The following DIAPH2 variants were observed in gnomAD, a reference collection of about 807,000 sequenced individuals.
DIAPH2 encodes the protein diaphanous related formin 2.
Under a neutral mutation model 92.7 loss-of-function variants are expected in DIAPH2, and 35 were observed. That is an observed-to-expected ratio of 0.38 (90% confidence interval 0.29 to 0.50). The LOEUF is 0.50. Ranked by LOEUF, DIAPH2 falls within the 20% of genes least tolerant of loss-of-function variation. The pLI is 0.94. For synonymous variants in DIAPH2, 301 were observed against 280.4 expected (o/e 1.07, Z -0.73); for missense variants, 701 against 819.5 (o/e 0.86, Z 1.77).
At chrX:97,490,842 A>C (rs150381365) in intron 26 of DIAPH2, among the ~76,000 whole-genome samples, 3,118 of 111,592 alleles carry the variant, frequency 0.028, 102 homozygotes, top group African/African-American at 0.097. Flanking sequence ...ATTCTGGAGA[A>C]TGTTCCATGT....
At chrX:96,727,185 G>C (rs2064025027) in intron 1 of DIAPH2, among the ~76,000 whole-genome samples, 1 of 112,135 alleles carries the variant, frequency 8.9e-6, no homozygotes, top group Non-Finnish European at 1.9e-5. Context: ...TGTTTTGTAA[G>C]ATATGATACA....
At chrX:97,318,586 G>A (rs2068862737) in intron 23 of DIAPH2, among the ~76,000 whole-genome samples, 1 of 92,310 alleles carries the variant, frequency 1.1e-5, no homozygotes, top group African/African-American at 4.2e-5. Flanking sequence ...TCTGCCTCCC[G>A]GGTTCAAGCT....
At chrX:96,719,864 C>G (rs967658345) in intron 1 of DIAPH2, among the ~76,000 whole-genome samples, 1 of 111,635 alleles carries the variant, frequency 9.0e-6, no homozygotes, top group Admixed American at 9.5e-5. Flanking sequence ...AAAACAAAAA[C>G]AAAAGTAAAA....
rs187307013 is a variant in DIAPH2, at chrX:96,719,833, T to C, written c.133-15925T>C. 2.9e-4 allele frequency among the ~76,000 whole-genome samples: 33 copies of C among 112,443 alleles called. No homozygotes were observed. The East Asian group carries it at 9.2e-3, about 31-fold the overall frequency. ...AAATTTCTGTGAAGAATGTCATTGG[T>C]ATTTTGATAGGGATGCATCAAAAAC... On this transcript the variant is annotated intron_variant, in intron 1 of 26. Coordinates refer to ENST00000324765, the MANE Select transcript of DIAPH2 (RefSeq NM_006729.5).
intron 22 of DIAPH2, among the ~76,000 whole-genome samples, chrX:97,152,138 T>C (rs2067290121): frequency 9.0e-6 from 1 of 111,608 alleles, no homozygotes; most frequent in Admixed American, 9.6e-5. Flanking sequence ...ATGAGCCTGC[T>C]TAAGAGATGT....
Position 96,884,428 on chromosome X carries a change from A to G in DIAPH2, c.587+2710A>G, listed in dbSNP as rs769007105. 2.5e-6 allele frequency: 3 copies of G among 1,210,508 alleles called. No individual in the cohort carries two copies. The South Asian group carries it at 5.3e-5, about 21-fold the overall frequency. On this transcript the variant is annotated intron_variant, in intron 5 of 26. Coordinates refer to ENST00000324765, the MANE Select transcript of DIAPH2 (RefSeq NM_006729.5). ...TCCTGCTATTAAGACCCAAAGACCT[A>G]AGGTCCGAATTCAGGACGTTGTACC...
Position 97,049,211 on chromosome X carries a change from A to T in DIAPH2, c.2051-23730A>T, listed in dbSNP as rs753769993. On this transcript the variant is annotated intron_variant, in intron 17 of 26. Coordinates refer to ENST00000324765, the MANE Select transcript of DIAPH2 (RefSeq NM_006729.5). ...TATAGTAGCCTAATTATAATTAATA[A>T]TTTTAATTTTTTAAAGTAATAATGT... is the stretch of plus-strand genomic sequence containing the variant. Among the ~76,000 whole-genome samples, 13 of 110,693 alleles carry T rather than the reference A, an allele frequency of 1.2e-4. No individual in the cohort carries two copies. The East Asian group carries it at 3.1e-3, about 26-fold the overall frequency.
intron 25 of DIAPH2, among the ~76,000 whole-genome samples, chrX:97,417,449 G>A (rs919255472): frequency 1.2e-4 from 13 of 109,338 alleles, no homozygotes; most frequent in South Asian, 4.1e-4. Flanking sequence ...AATGAACACC[G>A]GATCACCTGA....
At chrX:97,383,130 T>C (rs1286395137) in intron 24 of DIAPH2, among the ~76,000 whole-genome samples, 1 of 112,515 alleles carries the variant, frequency 8.9e-6, no homozygotes, top group African/African-American at 3.2e-5. Context: ...CATTCACTTA[T>C]GTTCCACAAA....
chrX:97,206,885 T>G (rs1367124548), intron 22 of DIAPH2, among the ~76,000 whole-genome samples: 1 of 111,527 alleles, frequency 9.0e-6, no homozygotes, highest in Non-Finnish European at 1.9e-5. Flanking sequence ...AGTAATAATA[T>G]CGTTTGGCAG....
intron 1 of DIAPH2, among the ~76,000 whole-genome samples, chrX:96,691,221 C>T (rs2063796690): frequency 9.0e-6 from 1 of 111,464 alleles, no homozygotes; most frequent in East Asian, 2.8e-4. Context: ...AGACCCAACT[C>T]CAGTCTACCA....
intron 26 of DIAPH2, among the ~76,000 whole-genome samples, chrX:97,520,364 T>G (rs1430791460): frequency 8.9e-6 from 1 of 112,262 alleles, no homozygotes; most frequent in Non-Finnish European, 1.9e-5. Flanking sequence ...AGGCACTGAA[T>G]TTTACATTCT....
intron 26 of DIAPH2, among the ~76,000 whole-genome samples, chrX:97,447,962 C>T (rs950577856): frequency 8.9e-6 from 1 of 112,093 alleles, no homozygotes; most frequent in Non-Finnish European, 1.9e-5. Context: ...GAAATAGTCA[C>T]TGCTTTTGAA....
At chrX:97,256,064 T>G (rs2068233728) in intron 23 of DIAPH2, among the ~76,000 whole-genome samples, 1 of 112,332 alleles carries the variant, frequency 8.9e-6, no homozygotes, top group Non-Finnish European at 1.9e-5. Flanking sequence ...GAACTTAATT[T>G]GTCTGAAAGA....
At chrX:96,701,230 A>T in intron 1 of DIAPH2, among the ~76,000 whole-genome samples, 1 of 111,865 alleles carries the variant, frequency 8.9e-6, no homozygotes, top group South Asian at 3.7e-4. Flanking sequence ...TGTTCATTCC[A>T]GACACATCAA....
At chrX:97,354,195 C>T (rs918189292) in intron 24 of DIAPH2, among the ~76,000 whole-genome samples, 1 of 111,266 alleles carries the variant, frequency 9.0e-6, no homozygotes, top group Non-Finnish European at 1.9e-5. Context: ...ATCTCTCGTC[C>T]GGACTATAAT....
chrX:96,737,839 C>A (rs1487219545), intron 2 of DIAPH2, among the ~76,000 whole-genome samples: 1 of 111,498 alleles, frequency 9.0e-6, no homozygotes, highest in African/African-American at 3.3e-5. Flanking sequence ...TTTGCTTCCT[C>A]ATTGGCCCAA....
At chrX:97,439,769 T>TGGG (rs2070234499) in intron 26 of DIAPH2, among the ~76,000 whole-genome samples, 1 of 42,047 alleles carries the variant, frequency 2.4e-5, no homozygotes, top group Admixed American at 3.2e-4. Flanking sequence ...GGGCGGGGGG[T>TGGG]GGGTGGGGCC....
At chrX:97,503,962 T>C (rs1351293268) in intron 26 of DIAPH2, among the ~76,000 whole-genome samples, 1 of 111,907 alleles carries the variant, frequency 8.9e-6, no homozygotes. Flanking sequence ...TCACATTAAA[T>C]GGAAGAACTC....
Sources: allele counts gnomAD v4.1 joint callset (sites outside exome capture counted in the v4.1 genomes callset), GRCh38; gene constraint gnomAD v4.1.1; transcripts MANE v1.5; gene names NCBI Gene and HGNC (gene_info 2026-07-23, HGNC 2026-07-21).